Variants in SOX6 observed in about 807,000 individuals in gnomAD.
SOX6 encodes SRY-box transcription factor 6, also known as transcription factor SOX-6.
Under a neutral mutation model 97.8 loss-of-function variants are expected in SOX6, and 11 were observed. The observed-to-expected ratio is 0.11, with a 90% CI of 0.07 to 0.19. The LOEUF is 0.19. Among genes scored for constraint, SOX6 ranks in the 10% least tolerant of loss-of-function variants. The pLI is 1.00. For missense variants in SOX6, 810 were observed against 1,039.5 expected, an observed-to-expected ratio of 0.78 and a Z score of 3.04; for synonymous variants, 360 against 371.4, an observed-to-expected ratio of 0.97 and a Z score of 0.35.
At chr11:16,106,303 G>T (rs186586487) in intron 7 of SOX6, among the ~76,000 whole-genome samples, 1 of 151,844 alleles carries the variant, frequency 6.6e-6, no homozygotes, top group East Asian at 1.9e-4. Flanking sequence ...TTAACACAAA[G>T]CTACAGCAAT....
intron 2 of SOX6, among the ~76,000 whole-genome samples, chr11:16,724,831 C>A (rs1848294298): frequency 6.6e-6 from 1 of 152,158 alleles, no homozygotes; most frequent in East Asian, 1.9e-4. Context: ...TAACTTCACA[C>A]CCACTAGGAT....
chr11:16,381,850 G>A (rs1038786560), intron 1 of SOX6, among the ~76,000 whole-genome samples: 1 of 151,144 alleles, frequency 6.6e-6, no homozygotes, highest in African/African-American at 2.4e-5. Flanking sequence ...CAATACCAAA[G>A]TTTTAAAAAT....
At chr11:16,348,513 TTAA>T (rs1179527425) in intron 1 of SOX6, among the ~76,000 whole-genome samples, 4 of 152,076 alleles carry the variant, frequency 2.6e-5, no homozygotes, top group African/African-American at 4.8e-5. Context: ...TTCATGTTAT[TTAA>T]TAATAAGATT....
At chr11:16,717,824 T>C (rs772598183) in intron 2 of SOX6, among the ~76,000 whole-genome samples, 1 of 151,956 alleles carries the variant, frequency 6.6e-6, no homozygotes, top group Non-Finnish European at 1.5e-5. Context: ...ATTCTCCTCG[T>C]TTCCTTCAGA....
intron 1 of SOX6, among the ~76,000 whole-genome samples, chr11:16,420,303 T>C (rs969206997): frequency 1.3e-5 from 2 of 152,348 alleles, no homozygotes; most frequent in African/African-American, 2.4e-5. Flanking sequence ...TTGCATTTGC[T>C]TTCCATGAGT....
intron 3 of SOX6, among the ~76,000 whole-genome samples, chr11:16,684,627 TG>T: frequency 6.6e-6 from 1 of 152,208 alleles, no homozygotes; most frequent in East Asian, 1.9e-4. Context: ...AAATTCCTAA[TG>T]TAAATGACAA....
At chr11:16,191,304 G>A (rs2134113326) in intron 4 of SOX6, among the ~76,000 whole-genome samples, 1 of 151,934 alleles carries the variant, frequency 6.6e-6, no homozygotes, top group East Asian at 1.9e-4. Context: ...AAATTTTTTT[G>A]TAAAAAATAA....
intron 1 of SOX6, among the ~76,000 whole-genome samples, chr11:16,364,859 G>A (rs369515444): frequency 3.3e-5 from 5 of 152,050 alleles, no homozygotes; most frequent in African/African-American, 9.7e-5. Context: ...CAGATCCCAC[G>A]ATTTTGACAA....
chr11:16,574,432 A>G (rs922640609), intron 4 of SOX6, among the ~76,000 whole-genome samples: 15 of 152,206 alleles, frequency 9.9e-5, no homozygotes, highest in African/African-American at 3.6e-4. Context: ...GACATCCATA[A>G]GAGGAAAAAA....
intron 4 of SOX6, among the ~76,000 whole-genome samples, chr11:16,206,975 T>C (rs1852088781): frequency 6.6e-6 from 1 of 152,180 alleles, no homozygotes; most frequent in South Asian, 2.1e-4. Context: ...TTCATGATTT[T>C]GCCATTACTT....
intron 4 of SOX6, among the ~76,000 whole-genome samples, chr11:16,216,476 C>A (rs577725915): frequency 6.6e-6 from 1 of 152,198 alleles, no homozygotes; most frequent in East Asian, 1.9e-4. Flanking sequence ...GTGTCAACCA[C>A]AATAAGAATC....
At chr11:16,080,992 G>T (rs1848460469) in intron 9 of SOX6, among the ~76,000 whole-genome samples, 1 of 152,080 alleles carries the variant, frequency 6.6e-6, no homozygotes, top group African/African-American at 2.4e-5. Flanking sequence ...CAGAGGCTAA[G>T]GTGGGAGGAT....
intron 4 of SOX6, among the ~76,000 whole-genome samples, chr11:16,595,186 T>C (rs1437815755): frequency 1.3e-5 from 2 of 152,152 alleles, no homozygotes; most frequent in African/African-American, 4.8e-5. Flanking sequence ...AGAGATTTCA[T>C]CATTTTTTTT....
intron 3 of SOX6, among the ~76,000 whole-genome samples, chr11:16,287,356 A>G (rs1227199992): frequency 6.6e-6 from 1 of 150,918 alleles, no homozygotes; most frequent in Non-Finnish European, 1.5e-5. Context: ...TGCTGTATTT[A>G]AAGAACCTCC....
intron 3 of SOX6, among the ~76,000 whole-genome samples, chr11:16,637,029 A>G (rs980733374): frequency 6.6e-6 from 1 of 152,084 alleles, no homozygotes; most frequent in African/African-American, 2.4e-5. Flanking sequence ...GCTAGTGTTT[A>G]ATGGTGTCTT....
chr11:16,127,241 A>G (rs1564968833), intron 6 of SOX6, among the ~76,000 whole-genome samples: 1 of 152,124 alleles, frequency 6.6e-6, no homozygotes. Flanking sequence ...GAAGGCTGCT[A>G]GTCAAGTGAT....
intron 1 of SOX6, among the ~76,000 whole-genome samples, chr11:16,425,075 T>C (rs1433152830): frequency 6.6e-6 from 1 of 152,220 alleles, no homozygotes; most frequent in Non-Finnish European, 1.5e-5. Context: ...CCTCCTCCCT[T>C]CTTATCTTTT....
At chr11:16,637,208 T>A (rs1848803644) in intron 3 of SOX6, among the ~76,000 whole-genome samples, 1 of 152,188 alleles carries the variant, frequency 6.6e-6, no homozygotes, top group African/African-American at 2.4e-5. Context: ...TTATTCCAGC[T>A]TCTTCAGCCA....
upstream of SOX6, among the ~76,000 whole-genome samples, chr11:16,479,682 G>A (rs1860310150): frequency 1.3e-5 from 2 of 152,082 alleles, no homozygotes; most frequent in African/African-American, 4.8e-5. Flanking sequence ...TCATAATATT[G>A]GCAAAACGTT....
Sources: allele counts gnomAD v4.1 joint callset (sites outside exome capture counted in the v4.1 genomes callset), GRCh38; gene constraint gnomAD v4.1.1; transcripts MANE v1.5; gene names NCBI Gene and HGNC (gene_info 2026-07-23, HGNC 2026-07-21).